The following ZMAT4 variants were observed in gnomAD, a reference collection of about 807,000 sequenced individuals.
ZMAT4 encodes the protein zinc finger matrin-type protein 4.
In ZMAT4, 17 loss-of-function variants were observed where a neutral mutation model predicts 28.7. That is an observed-to-expected ratio of 0.59 (90% confidence interval 0.41 to 0.89). The LOEUF is 0.89. ZMAT4 is among the 40% of genes least tolerant of loss of function. The pLI, the probability that ZMAT4 is intolerant of heterozygous loss-of-function variation, is 0.00. For synonymous variants in ZMAT4, 117 were observed against 109.2 expected (o/e 1.07, Z -0.44); for missense variants, 240 against 283.8 (o/e 0.85, Z 1.11).
chr8:40,745,814 T>A (rs529188378), intron 3 of ZMAT4, among the ~76,000 whole-genome samples: 1 of 152,314 alleles, frequency 6.6e-6, no homozygotes, highest in South Asian at 2.1e-4. Context: ...ATATTGCTCA[T>A]CACTCAATTC....
rs551115945 is a variant in ZMAT4, at chr8:40,596,536, C to T, written c.578-15275G>A. 1.6e-3 allele frequency among the ~76,000 whole-genome samples: 243 copies of T among 152,142 alleles called. 1 individual carries two copies. Among genetic ancestry groups the T allele is most frequent in the African/African-American group, 5.5e-3 (228 of 41,486 alleles). On this transcript the variant is annotated intron_variant, in intron 5 of 6. Transcript: ENST00000297737. ...TTTGTGAAAAATGAGGACATAAACA[C>T]GCACATCAGCCTCGGCCTACATGAG... is the stretch of plus-strand genomic sequence containing the variant.
chr8:40,854,765 C>T (rs531095622), intron 1 of ZMAT4, among the ~76,000 whole-genome samples: 40 of 152,124 alleles, frequency 2.6e-4, no homozygotes, highest in African/African-American at 9.2e-4. Flanking sequence ...TAAAACAGTA[C>T]GGAAGGGAAA....
chr8:40,582,550 T>C (rs1258554540), intron 5 of ZMAT4, among the ~76,000 whole-genome samples: 1 of 152,232 alleles, frequency 6.6e-6, no homozygotes, highest in African/African-American at 2.4e-5. Context: ...AATTCTGTTC[T>C]AGCATTGTAA....
chr8:40,888,043 T>C (rs1818531812), intron 1 of ZMAT4, among the ~76,000 whole-genome samples: 1 of 152,056 alleles, frequency 6.6e-6, no homozygotes, highest in Non-Finnish European at 1.5e-5. Flanking sequence ...ATCCTGTGAG[T>C]CCGTGTTCAC....
At chr8:40,843,960 G>A (rs1164583621) in intron 1 of ZMAT4, among the ~76,000 whole-genome samples, 12 of 152,116 alleles carry the variant, frequency 7.9e-5, no homozygotes, top group Admixed American at 7.9e-4. Context: ...TATAGGCTAT[G>A]TACACAGTGC....
chr8:40,669,912 TG>T (rs1368723642), intron 5 of ZMAT4, among the ~76,000 whole-genome samples: 4 of 152,116 alleles, frequency 2.6e-5, no homozygotes, highest in African/African-American at 9.7e-5. Context: ...TAAACATAAA[TG>T]AATAGAGAGA....
intron 1 of ZMAT4, among the ~76,000 whole-genome samples, chr8:40,865,586 G>A (rs1247400524): frequency 6.6e-6 from 1 of 152,222 alleles, no homozygotes; most frequent in Non-Finnish European, 1.5e-5. Flanking sequence ...TGCACAGCCA[G>A]CTGGGGGATT....
chr8:40,694,654 T>C (rs1809797187), intron 4 of ZMAT4, among the ~76,000 whole-genome samples: 1 of 152,086 alleles, frequency 6.6e-6, no homozygotes. Flanking sequence ...CTCAAAACAA[T>C]ATCTCAAAAT....
At chr8:40,784,973 C>T (rs1390746823) in intron 2 of ZMAT4, among the ~76,000 whole-genome samples, 2 of 152,194 alleles carry the variant, frequency 1.3e-5, no homozygotes, top group Non-Finnish European at 2.9e-5. Flanking sequence ...CTGTATAGAG[C>T]CAGGATTTGA....
At chr8:40,784,723 C>G (rs559310426) in intron 2 of ZMAT4, among the ~76,000 whole-genome samples, 1 of 152,160 alleles carries the variant, frequency 6.6e-6, no homozygotes, top group Non-Finnish European at 1.5e-5. Context: ...CCCCATTCAA[C>G]GGAGAATCAT....
rs75548529 is a variant in ZMAT4 at position 40,624,826 on chromosome 8, A to G, written c.578-43565T>C. On this transcript the variant is annotated intron_variant, in intron 5 of 6. Transcript: ENST00000297737. ...CAAATACGTACTCTGCACTTCCCACAGCCAGGCACTGATCCAGCCACTGAG... is the reference window on the plus strand; with the variant it reads ...CAAATACGTACTCTGCACTTCCCACGGCCAGGCACTGATCCAGCCACTGAG... 4.8e-4 allele frequency among the ~76,000 whole-genome samples: 73 copies of G among 152,324 alleles called. No individual in the cohort carries two copies. In the East Asian group the frequency reaches 0.013, roughly 27 times the overall value.
chr8:40,861,409 A>T (rs1817486563), intron 1 of ZMAT4, among the ~76,000 whole-genome samples: 8 of 152,236 alleles, frequency 5.3e-5, no homozygotes, highest in Admixed American at 5.2e-4. Context: ...CTTACACCTT[A>T]TACAAAAATT....
chr8:40,890,101 T>C (rs780603330), intron 1 of ZMAT4, among the ~76,000 whole-genome samples: 11 of 152,266 alleles, frequency 7.2e-5, no homozygotes, highest in Non-Finnish European at 1.5e-4. Flanking sequence ...TTCTTTTACA[T>C]ATTTTTCTTA....
At chr8:40,647,536 C>T (rs1807391782) in intron 5 of ZMAT4, among the ~76,000 whole-genome samples, 1 of 152,164 alleles carries the variant, frequency 6.6e-6, no homozygotes, top group Non-Finnish European at 1.5e-5. Flanking sequence ...ATTAGGTAAA[C>T]AAAGCAGCTG....
chr8:40,741,248 T>G (rs1473622008), intron 3 of ZMAT4, among the ~76,000 whole-genome samples: 6 of 152,012 alleles, frequency 3.9e-5, no homozygotes, highest in Non-Finnish European at 8.8e-5. Context: ...AGTCCAAGAC[T>G]AGCCCTGCTA....
intron 4 of ZMAT4, among the ~76,000 whole-genome samples, chr8:40,689,362 A>G (rs1809560632): frequency 6.6e-6 from 1 of 152,254 alleles, no homozygotes; most frequent in Non-Finnish European, 1.5e-5. Flanking sequence ...TCTTCTCACT[A>G]ACCTTCAGGG....
intron 3 of ZMAT4, among the ~76,000 whole-genome samples, chr8:40,727,309 G>A (rs903675468): frequency 4.6e-5 from 7 of 151,994 alleles, no homozygotes; most frequent in Non-Finnish European, 7.4e-5. Context: ...ATATTCCCTC[G>A]TGTCTATTTC....
chr8:40,799,087 A>C (rs202010468), intron 2 of ZMAT4, among the ~76,000 whole-genome samples: 21,438 of 150,698 alleles, frequency 0.14, 2,074 homozygotes, highest in East Asian at 0.34. Flanking sequence ...GGCTGGATGG[A>C]TGGATGGATG....
chr8:40,820,552 GTA>G (rs1463687414), intron 2 of ZMAT4, among the ~76,000 whole-genome samples: 1 of 138,640 alleles, frequency 7.2e-6, no homozygotes, highest in Non-Finnish European at 1.5e-5. Flanking sequence ...ATTTGTGTGT[GTA>G]TGTGTGTGAG....
Sources: gnomAD v4.1 joint callset for allele counts (sites outside exome capture counted in the v4.1 genomes callset) on GRCh38, gnomAD v4.1.1 for gene constraint, MANE v1.5 for transcripts, NCBI Gene and HGNC (gene_info 2026-07-23, HGNC 2026-07-21) for gene names.